Variants in ZNF516 observed in about 807,000 individuals in gnomAD.
ZNF516 encodes zinc finger protein 516.
Under a neutral mutation model 79.7 loss-of-function variants are expected in ZNF516, and 19 were observed. That is an observed-to-expected ratio of 0.24 (90% CI 0.17 to 0.35). The LOEUF is 0.35. Among genes scored for constraint, ZNF516 ranks in the 10% least tolerant of loss-of-function variants. The probability of loss-of-function intolerance (pLI) is 1.00; values close to 1 mark genes in which losing one functional copy is unlikely to be tolerated. For missense variants in ZNF516, 1,678 were observed against 1,679.5 expected (o/e 1.00, Z 0.02); for synonymous variants, 877 against 739.5 (o/e 1.19, Z -3.02).
chr18:76,392,591 C>CACGT (rs2075091912), intron 3 of ZNF516, among the ~76,000 whole-genome samples: 2 of 81,352 alleles, frequency 2.5e-5, no homozygotes, highest in African/African-American at 1.0e-4. Flanking sequence ...GGCAGGTGGC[C>CACGT]GGGTGGGGGA....
intron 3 of ZNF516, among the ~76,000 whole-genome samples, chr18:76,407,568 C>G (rs1015927350): frequency 6.6e-6 from 1 of 152,300 alleles, no homozygotes; most frequent in Admixed American, 6.5e-5. Context: ...CAGACAACAC[C>G]GCCCTCTGAA....
rs189436767 is a variant in ZNF516 at position 76,473,572 on chromosome 18, T to C, written c.-271-10431A>G. ...ATCACAGCACTTTGGGAGGCCAAGG[T>C]GGGCGGATCACGAGGTCAGGAGATG... is the stretch of plus-strand genomic sequence containing the variant. On this transcript the variant is annotated intron_variant, in intron 1 of 6. Coordinates refer to ENST00000443185, the MANE Select transcript of ZNF516 (RefSeq NM_014643.4). Among the ~76,000 whole-genome samples, 1,182 of 152,056 alleles carry C rather than the reference T, an allele frequency of 7.8e-3. 8 individuals carry two copies. The highest frequency in any genetic ancestry group is 0.012 in the Non-Finnish European group (843 of 67,956).
intron 3 of ZNF516, among the ~76,000 whole-genome samples, chr18:76,420,545 G>C (rs1285434156): frequency 6.6e-6 from 1 of 152,132 alleles, no homozygotes; most frequent in Non-Finnish European, 1.5e-5. Flanking sequence ...GTGGAAATTG[G>C]GGAGTGGGGC....
chr18:76,426,662 CA>C (rs2075596783), intron 3 of ZNF516, among the ~76,000 whole-genome samples: 1 of 151,922 alleles, frequency 6.6e-6, no homozygotes, highest in Non-Finnish European at 1.5e-5. Context: ...AAGAAAGCCG[CA>C]AGAGTCCAAA....
At chr18:76,474,378 G>A (rs1265130357) in intron 1 of ZNF516, among the ~76,000 whole-genome samples, 1 of 152,082 alleles carries the variant, frequency 6.6e-6, no homozygotes, top group Non-Finnish European at 1.5e-5. Flanking sequence ...ACAGGTCCCA[G>A]GAGCTCCATA....
intron 3 of ZNF516, among the ~76,000 whole-genome samples, chr18:76,402,448 A>T (rs941757038): frequency 6.6e-6 from 1 of 151,958 alleles, no homozygotes; most frequent in Non-Finnish European, 1.5e-5. Flanking sequence ...ACAGCTGAGA[A>T]CCCGGACCTG....
At chr18:76,407,884 G>A (rs1256289457) in intron 3 of ZNF516, among the ~76,000 whole-genome samples, 1 of 152,168 alleles carries the variant, frequency 6.6e-6, no homozygotes, top group Non-Finnish European at 1.5e-5. Flanking sequence ...CCTCTGAGCT[G>A]CAGCCCAGCC....
rs192155979 is a variant in ZNF516, at chr18:76,389,643, T to G, written c.1811-9340A>C. Among the ~76,000 whole-genome samples, 277 of 152,326 alleles carry G rather than the reference T, an allele frequency of 1.8e-3. 1 individual carries two copies. The highest frequency in any genetic ancestry group is 1.1e-3 in the Non-Finnish European group (75 of 68,014). ...TTTCTTATGTACTCTTCAATGTCAT[T>G]TTTTGTTCTGTTCAATTCCTTGTGA... is the stretch of plus-strand genomic sequence containing the variant. On this transcript the variant is annotated intron_variant, in intron 3 of 6. Coordinates refer to ENST00000443185, the MANE Select transcript of ZNF516 (RefSeq NM_014643.4).
intron 1 of ZNF516, among the ~76,000 whole-genome samples, chr18:76,465,346 C>A (rs1050882189): frequency 6.6e-6 from 1 of 152,128 alleles, no homozygotes; most frequent in African/African-American, 2.4e-5. Context: ...TCTTACTCTT[C>A]GACAGCAGAA....
At chr18:76,447,569 C>G (rs1452681883) in intron 2 of ZNF516, among the ~76,000 whole-genome samples, 3 of 152,152 alleles carry the variant, frequency 2.0e-5, no homozygotes, top group Non-Finnish European at 4.4e-5. Flanking sequence ...AGCCTGCCAC[C>G]CAAACCACAG....
intron 1 of ZNF516, chr18:76,492,157 C>G: frequency 1.0e-6 from 1 of 985,376 alleles, no homozygotes; most frequent in Non-Finnish European, 1.2e-6. Flanking sequence ...TTGCATCATC[C>G]CCATCCCGGT....
At chr18:76,371,062 A>G (rs1389968128) in intron 5 of ZNF516, among the ~76,000 whole-genome samples, 2 of 152,208 alleles carry the variant, frequency 1.3e-5, no homozygotes. Flanking sequence ...GCATGGTCCA[A>G]AGGGGCCCGG....
intron 1 of ZNF516, chr18:76,492,092 C>T: frequency 2.2e-6 from 2 of 918,088 alleles, no homozygotes; most frequent in Non-Finnish European, 1.3e-6. Flanking sequence ...TCCCAGGGGT[C>T]TCCCTGCAGG....
chr18:76,396,856 C>T (rs903802882), intron 3 of ZNF516, among the ~76,000 whole-genome samples: 1 of 152,132 alleles, frequency 6.6e-6, no homozygotes, highest in African/African-American at 2.4e-5. Context: ...GTAGAAAATG[C>T]ACGAGGAAAA....
In ZNF516 at chr18:76,362,608, G is replaced by A. The variant is rs2074555769; in HGVS notation, c.3433-51C>T. On this transcript the variant is annotated intron_variant, in intron 6 of 6. Coordinates refer to ENST00000443185, the MANE Select transcript of ZNF516 (RefSeq NM_014643.4). ...GAGAAAAGCTCATTTCTGCCTTTTG[G>A]TTTCTAAATGCATTTTTCCTATTAA... 16 of 1,527,466 alleles carry A rather than the reference G, an allele frequency of 1.0e-5. 1 individual carries two copies. The South Asian group carries it at 1.7e-4, about 17-fold the overall frequency. The allele number at this position is 1,527,466 out of a possible 1,614,324, so 94.6% of individuals were successfully genotyped here. A position where few individuals can be genotyped will look rare whatever the true frequency, so the allele number is the denominator to read the frequency against.
rs373540251 is a variant in ZNF516, at chr18:76,360,646, A to AAAAAAT, written c.*1851_*1852insATTTTT. On this transcript the variant is annotated 3_prime_UTR_variant, in exon 7 of 7. Coordinates refer to ENST00000443185, the MANE Select transcript of ZNF516 (RefSeq NM_014643.4). ...AAAAAAATAAGTAAAAAAAAAAAAA[A>AAAAAAT]ATATATATATATATATATATATATA... 200 of 72,434 alleles carry AAAAAAT rather than the reference A, an allele frequency of 2.8e-3. 3 individuals are homozygous for AAAAAAT. Among genetic ancestry groups the AAAAAAT allele is most frequent in the Middle Eastern group, 8.5e-3 (1 of 118 alleles). The allele number at this position is 72,434 out of a possible 1,614,324, so 4.5% of individuals were successfully genotyped here. A position where few individuals can be genotyped will look rare whatever the true frequency, so the allele number is the denominator to read the frequency against.
In ZNF516 at chr18:76,379,609, G is replaced by A; in HGVS notation, c.2505C>T (p.Phe835=). ...TCCCCCCTGGCACCTGAGTGCGGGT[G>A]AACCGAGCAAGGAGCAAAGGCTGGC... ...KECQPLLLAR[F]TRTQVPGGMP... is the part of the protein sequence containing the mutation. The change falls in exon 4 of 7, where the codon TTC becomes TTT. Residue 835 remains phenylalanine, a synonymous_variant. Transcript: ENST00000443185. 8 of 1,613,656 alleles carry A rather than the reference G, an allele frequency of 5.0e-6. No individual in the cohort carries two copies. The highest frequency in any genetic ancestry group is 6.8e-6 in the Non-Finnish European group (8 of 1,179,898).
At chr18:76,438,512 T>C (rs537451894) in intron 3 of ZNF516, among the ~76,000 whole-genome samples, 53 of 152,364 alleles carry the variant, frequency 3.5e-4, no homozygotes, top group African/African-American at 1.2e-3. Flanking sequence ...TTAAATCTAG[T>C]AACATATTCC....
intron 3 of ZNF516, among the ~76,000 whole-genome samples, chr18:76,428,581 G>A (rs1362652775): frequency 3.9e-5 from 6 of 152,120 alleles, no homozygotes; most frequent in African/African-American, 1.4e-4. Flanking sequence ...AGAGTCCTCC[G>A]CCCACACAGG....
Sources: allele counts gnomAD v4.1 joint callset (sites outside exome capture counted in the v4.1 genomes callset), GRCh38; gene constraint gnomAD v4.1.1; transcripts MANE v1.5; gene names NCBI Gene and HGNC (gene_info 2026-07-23, HGNC 2026-07-21).